UST: variants seen among roughly 807,000 people sequenced by gnomAD.
UST encodes chondroitin sulfate 2-O-sulfotransferase.
In UST, 21 loss-of-function variants were observed where a neutral mutation model predicts 45.6. The observed-to-expected ratio is 0.46, with a 90% CI of 0.33 to 0.66. The LOEUF is 0.66. Ranked by LOEUF, UST falls within the 30% of genes least tolerant of loss-of-function variation. The probability of loss-of-function intolerance (pLI) is 0.02; values close to 1 mark genes in which losing one functional copy is unlikely to be tolerated. For missense variants in UST, 463 were observed against 512.4 expected, an observed-to-expected ratio of 0.90 and a Z score of 0.93; for synonymous variants, 215 against 200.6, an observed-to-expected ratio of 1.07 and a Z score of -0.61.
At chr6:148,813,256 C>T (rs1180351716) in intron 1 of UST, among the ~76,000 whole-genome samples, 1 of 152,184 alleles carries the variant, frequency 6.6e-6, no homozygotes, top group Non-Finnish European at 1.5e-5. Flanking sequence ...GAGAGGGAAA[C>T]TGCTGAGTCC....
chr6:149,043,748 C>T (rs768846596), intron 7 of UST, among the ~76,000 whole-genome samples: 2 of 152,272 alleles, frequency 1.3e-5, no homozygotes, highest in Admixed American at 1.3e-4. Flanking sequence ...GGTGACCAAG[C>T]CTTTTGTTTA....
At chr6:149,021,558 A>G in intron 7 of UST, 77 bp downstream of exon 7, 1 of 1,516,300 alleles carries the variant, frequency 6.6e-7, no homozygotes, top group Non-Finnish European at 9.0e-7. Flanking sequence ...AGGCCTCAGG[A>G]AATAAAGGAG....
In UST at chr6:148,748,854, C is replaced by A. The variant is rs1164907754; in HGVS notation, c.247+1177C>A. Among the ~76,000 whole-genome samples, 1 of 151,870 alleles carries A rather than the reference C, an allele frequency of 6.6e-6. No homozygotes were observed. Among genetic ancestry groups the A allele is most frequent in the African/African-American group, 2.4e-5 (1 of 41,356 alleles). On this transcript the variant is annotated intron_variant, in intron 1 of 7. Coordinates refer to ENST00000367463, the MANE Select transcript of UST (RefSeq NM_005715.3). The surrounding 1 kb of genome is among the most constrained non-coding windows in gnomAD (Gnocchi z 5.3). ...CCAGCTGGAGGCTGCCACAGTTACC[C>A]CAAACGTCACTTCGTGGCAGAAGCC... is the stretch of plus-strand genomic sequence containing the variant.
chr6:148,985,183 A>G (rs1327363986), intron 5 of UST, among the ~76,000 whole-genome samples: 5 of 152,228 alleles, frequency 3.3e-5, no homozygotes, highest in Non-Finnish European at 7.3e-5. Context: ...AATATGTGGA[A>G]TTGGAAGTTA....
At chr6:148,994,639 T>G (rs1781416147) in intron 5 of UST, among the ~76,000 whole-genome samples, 1 of 152,212 alleles carries the variant, frequency 6.6e-6, no homozygotes, top group African/African-American at 2.4e-5. Flanking sequence ...CAGGCGGATA[T>G]TCACCTCTTC....
chr6:148,926,627 A>C (rs1439639125), intron 2 of UST, among the ~76,000 whole-genome samples: 2 of 152,230 alleles, frequency 1.3e-5, no homozygotes, highest in Non-Finnish European at 2.9e-5. Flanking sequence ...AATAGAATGG[A>C]AAGTCAAGGC....
chr6:148,821,726 T>C (rs189680423), intron 1 of UST, among the ~76,000 whole-genome samples: 2 of 152,372 alleles, frequency 1.3e-5, no homozygotes, highest in African/African-American at 4.8e-5. Context: ...ATGGTGATTT[T>C]CTACCTTCTC....
intron 5 of UST, among the ~76,000 whole-genome samples, chr6:148,992,506 C>T (rs1781374603): frequency 6.6e-6 from 1 of 152,072 alleles, no homozygotes; most frequent in Admixed American, 6.6e-5. Context: ...TTTTAGAGTC[C>T]TGCCGGGGGT....
chr6:149,047,940 TCAGATAGACAAGTCAGTGAAA>T (rs1776417262), intron 7 of UST, among the ~76,000 whole-genome samples: 1 of 151,984 alleles, frequency 6.6e-6, no homozygotes, highest in Non-Finnish European at 1.5e-5. Flanking sequence ...AAGCACAAGC[TCAGATAGACAAGTCAGTGAAA>T]CAGTAACAGA....
intron 1 of UST, among the ~76,000 whole-genome samples, chr6:148,788,130 T>G (rs1327944916): frequency 6.6e-6 from 1 of 152,106 alleles, no homozygotes; most frequent in Admixed American, 6.6e-5. Flanking sequence ...AGAGAGAGAA[T>G]GAGAGCCAAG....
intron 7 of UST, among the ~76,000 whole-genome samples, chr6:149,064,296 G>T (rs1211860370): frequency 1.3e-5 from 2 of 152,186 alleles, no homozygotes. Context: ...CCAACTTCGG[G>T]CTTCACCACT....
chr6:148,821,333 A>G (rs1346980304), intron 1 of UST, among the ~76,000 whole-genome samples: 2 of 151,878 alleles, frequency 1.3e-5, no homozygotes, highest in African/African-American at 2.4e-5. Context: ...TTAATTTGGT[A>G]GTGTTGGATG....
intron 1 of UST, among the ~76,000 whole-genome samples, chr6:148,877,028 C>G (rs530750904): frequency 8.1e-5 from 2 of 24,680 alleles, no homozygotes; most frequent in Non-Finnish European, 1.3e-4. Flanking sequence ...TGTATGAGTG[C>G]GGGGATCATG....
intron 1 of UST, among the ~76,000 whole-genome samples, chr6:148,780,523 G>A (rs1776624733): frequency 6.6e-6 from 1 of 152,140 alleles, no homozygotes; most frequent in Admixed American, 6.6e-5. Flanking sequence ...CCACTTATAA[G>A]CGAGAACATG....
At chr6:148,903,594 A>G (rs1779300978) in intron 2 of UST, among the ~76,000 whole-genome samples, 1 of 152,226 alleles carries the variant, frequency 6.6e-6, no homozygotes, top group African/African-American at 2.4e-5. Context: ...TAATAGGGGT[A>G]AAAACTAATG....
At chr6:149,061,364 T>C (rs1382807085) in intron 7 of UST, among the ~76,000 whole-genome samples, 1 of 152,200 alleles carries the variant, frequency 6.6e-6, no homozygotes, top group Non-Finnish European at 1.5e-5. Context: ...AGTTCAAACA[T>C]ATGTCAATGC....
chr6:148,817,711 T>G (rs1162005016), intron 1 of UST, among the ~76,000 whole-genome samples: 1 of 152,178 alleles, frequency 6.6e-6, no homozygotes, highest in African/African-American at 2.4e-5. Flanking sequence ...AGCCTTCAGG[T>G]AGTACGCTTC....
At chr6:148,751,203 A>G (rs1204954119) in intron 1 of UST, among the ~76,000 whole-genome samples, 1 of 152,246 alleles carries the variant, frequency 6.6e-6, no homozygotes, top group Non-Finnish European at 1.5e-5. Context: ...ATTTAAAGGT[A>G]CTTTAATACT....
intron 2 of UST, among the ~76,000 whole-genome samples, chr6:148,905,788 A>T (rs1223184355): frequency 6.6e-6 from 1 of 152,220 alleles, no homozygotes; most frequent in Non-Finnish European, 1.5e-5. Context: ...CTCCTCTAAG[A>T]GGAAGGCAGC....
Sources: gnomAD v4.1 joint callset for allele counts (sites outside exome capture counted in the v4.1 genomes callset) on GRCh38, gnomAD v4.1.1 for gene constraint, Gnocchi (gnomAD v3.1) non-coding constraint, MANE v1.5 for transcripts, NCBI Gene and HGNC (gene_info 2026-07-23, HGNC 2026-07-21) for gene names.